COMMD10: variants seen among roughly 807,000 people sequenced by gnomAD.
COMMD10 encodes the protein COMM domain-containing protein 10.
COMMD10 carries 33 observed loss-of-function variants against 28.9 expected under a neutral mutation model. The ratio of observed to expected loss-of-function variants is 1.14; its 90% confidence interval spans 0.87 to 1.53. COMMD10 has a LOEUF of 1.53. COMMD10 is among the 40% of genes most tolerant of loss of function. The pLI is 0.00. For synonymous variants in COMMD10, 110 were observed against 81.7 expected, an observed-to-expected ratio of 1.35 and a Z score of -1.87; for missense variants, 310 against 233.4, an observed-to-expected ratio of 1.33 and a Z score of -2.14.
At chr5:116,186,130 A>G (rs543277026) in intron 5 of COMMD10, among the ~76,000 whole-genome samples, 20 of 152,288 alleles carry the variant, frequency 1.3e-4, no homozygotes, top group Non-Finnish European at 1.9e-4. Flanking sequence ...ACATGTTCAA[A>G]TAAATCCAAG....
chr5:116,232,322 T>A (rs916215229), intron 5 of COMMD10, among the ~76,000 whole-genome samples: 1 of 150,648 alleles, frequency 6.6e-6, no homozygotes, highest in Non-Finnish European at 1.5e-5. Context: ...GCACTGCAGA[T>A]ACACAGACTG....
chr5:116,095,034 C>T (rs147791897), intron 4 of COMMD10, among the ~76,000 whole-genome samples: 10 of 152,068 alleles, frequency 6.6e-5, no homozygotes, highest in Non-Finnish European at 1.3e-4. Flanking sequence ...GATGTGGGGT[C>T]GGAGGGTGGA....
At chr5:116,224,638 C>G (rs569024446) in intron 5 of COMMD10, among the ~76,000 whole-genome samples, 1 of 152,218 alleles carries the variant, frequency 6.6e-6, no homozygotes, top group African/African-American at 2.4e-5. Flanking sequence ...ATTGTGAGGA[C>G]AGCACCAAGC....
intron 5 of COMMD10, among the ~76,000 whole-genome samples, chr5:116,235,538 A>C (rs989261768): frequency 6.6e-6 from 1 of 152,224 alleles, no homozygotes; most frequent in Non-Finnish European, 1.5e-5. Context: ...CTTCCACAGA[A>C]AAGGCATACT....
chr5:116,092,626 T>G lies in COMMD10; in HGVS notation c.325T>G (p.Phe109Val). 6.2e-7 allele frequency: 1 copy of G among 1,612,626 alleles called. No homozygotes were observed. The highest frequency in any genetic ancestry group is 8.5e-7 in the Non-Finnish European group (1 of 1,179,282). ...TCTTAGACAAGACAAAGCTGAAGCATTTGTCAATACGTGGTCTTCTATGGG... is the reference window on the plus strand; with the variant it reads ...TCTTAGACAAGACAAAGCTGAAGCAGTTGTCAATACGTGGTCTTCTATGGG... ...IHLRQDKAEAFVNTWSSMGQE... is the reference protein window; with the variant it reads ...IHLRQDKAEAVVNTWSSMGQE... Residue 109 changes from phenylalanine to valine, a missense_variant, in exon 4 of 7, where the codon TTT (phenylalanine) becomes GTT (valine). Coordinates refer to ENST00000274458, the MANE Select transcript of COMMD10 (RefSeq NM_016144.4).
intron 5 of COMMD10, among the ~76,000 whole-genome samples, chr5:116,274,121 T>A (rs1750837014): frequency 1.3e-5 from 2 of 151,776 alleles, no homozygotes; most frequent in African/African-American, 4.9e-5. Context: ...GGTCTGAAAT[T>A]TCAACCTTGA....
At chr5:116,095,001 C>G (rs887948723) in intron 4 of COMMD10, among the ~76,000 whole-genome samples, 1 of 152,062 alleles carries the variant, frequency 6.6e-6, no homozygotes, top group Non-Finnish European at 1.5e-5. Context: ...TGGTAGTCAC[C>G]AGAGGCTGAG....
At chr5:116,142,902 A>G (rs969950416) in intron 5 of COMMD10, among the ~76,000 whole-genome samples, 1 of 151,788 alleles carries the variant, frequency 6.6e-6, no homozygotes, top group African/African-American at 2.4e-5. Context: ...TTGGAATCAA[A>G]TTTATTTAAA....
intron 4 of COMMD10, among the ~76,000 whole-genome samples, chr5:116,100,158 CAA>C (rs1750611198): frequency 6.6e-6 from 1 of 152,038 alleles, no homozygotes; most frequent in Admixed American, 6.6e-5. Flanking sequence ...TGTTGGAGTT[CAA>C]AGAGTTTCAG....
chr5:116,218,180 G>C (rs1425267980), intron 5 of COMMD10: 2 of 821,410 alleles, frequency 2.4e-6, no homozygotes, highest in Admixed American at 1.7e-5. Flanking sequence ...TTTAGGCCTG[G>C]GCTCTGGCTT....
chr5:116,279,362 T>C (rs190896958), intron 5 of COMMD10, among the ~76,000 whole-genome samples: 74 of 152,072 alleles, frequency 4.9e-4, no homozygotes, highest in Non-Finnish European at 6.5e-4. Flanking sequence ...ATTCGATTGA[T>C]TTAACACTGG....
chr5:116,220,249 G>A (rs1162539115), intron 5 of COMMD10, among the ~76,000 whole-genome samples: 1 of 152,160 alleles, frequency 6.6e-6, no homozygotes. Context: ...AACAATCTAG[G>A]TACTGAGTTT....
intron 5 of COMMD10, among the ~76,000 whole-genome samples, chr5:116,253,405 C>T (rs1373620800): frequency 1.3e-5 from 2 of 151,254 alleles, no homozygotes; most frequent in African/African-American, 4.9e-5. Context: ...CCAGTTTTTG[C>T]CCATTCAGTA....
chr5:116,155,149 C>A (rs569141355), intron 5 of COMMD10, among the ~76,000 whole-genome samples: 1 of 152,128 alleles, frequency 6.6e-6, no homozygotes, highest in Non-Finnish European at 1.5e-5. Context: ...TTCCATCTCA[C>A]AGTCACTCTA....
At chr5:116,205,423 A>G (rs1226555861) in intron 5 of COMMD10, among the ~76,000 whole-genome samples, 1 of 152,196 alleles carries the variant, frequency 6.6e-6, no homozygotes, top group Non-Finnish European at 1.5e-5. Flanking sequence ...TGAAAGCAGT[A>G]ATCATTCTTT....
chr5:116,126,330 A>G (rs1049463708), intron 4 of COMMD10, among the ~76,000 whole-genome samples: 2 of 152,172 alleles, frequency 1.3e-5, no homozygotes, highest in African/African-American at 4.8e-5. Flanking sequence ...AATCGATATC[A>G]TGAAAATGGC....
chr5:116,210,902 CTAT>C (rs1456307956), intron 5 of COMMD10, among the ~76,000 whole-genome samples: 10 of 151,920 alleles, frequency 6.6e-5, no homozygotes, highest in Admixed American at 1.3e-4. Context: ...TTTGCTTTGC[CTAT>C]TATTATTCCT....
intron 5 of COMMD10, among the ~76,000 whole-genome samples, chr5:116,249,233 T>G (rs2112671704): frequency 6.6e-6 from 1 of 152,060 alleles, no homozygotes; most frequent in Non-Finnish European, 1.5e-5. Flanking sequence ...AAATATTCTT[T>G]AATTTTGTTT....
intron 5 of COMMD10, among the ~76,000 whole-genome samples, chr5:116,283,270 G>A (rs1362032518): frequency 6.6e-6 from 1 of 151,604 alleles, no homozygotes; most frequent in Non-Finnish European, 1.5e-5. Context: ...TCATCTTTAT[G>A]TTTTAAAACT....
Sources: gnomAD v4.1 joint callset for allele counts (sites outside exome capture counted in the v4.1 genomes callset) on GRCh38, gnomAD v4.1.1 for gene constraint, MANE v1.5 for transcripts, NCBI Gene and HGNC (gene_info 2026-07-23, HGNC 2026-07-21) for gene names.